PCED1B: variants seen among roughly 807,000 people sequenced by gnomAD.
PCED1B encodes PC-esterase domain-containing protein 1B.
For synonymous variants in PCED1B, 251 were observed against 246.1 expected (o/e 1.02, Z -0.19); for missense variants, 573 against 573.9 (o/e 1.00, Z 0.02).
At chr12:47,232,382 TA>T (rs1302167487) in intron 3 of PCED1B, among the ~76,000 whole-genome samples, 1 of 152,244 alleles carries the variant, frequency 6.6e-6, no homozygotes, top group African/African-American at 2.4e-5. Flanking sequence ...TGAAACTTAA[TA>T]TTCTATCTGT....
intron 3 of PCED1B, among the ~76,000 whole-genome samples, chr12:47,221,294 C>T (rs1943468855): frequency 6.7e-6 from 1 of 148,870 alleles, no homozygotes; most frequent in Admixed American, 6.7e-5. Flanking sequence ...GCTATATCTT[C>T]AAAATATATA....
chr12:47,221,530 C>A lies in PCED1B; in HGVS notation c.-58+4841C>A, dbSNP rs527925071. On this transcript the variant is annotated intron_variant, in intron 3 of 3. Coordinates refer to ENST00000546455, the MANE Select transcript of PCED1B (RefSeq NM_138371.3). ...AGGATACAGATCAACCTAAGGATTT[C>A]TTCACAATTAAAACAAAACCAGTCA... Among the ~76,000 whole-genome samples the A allele has an allele frequency of 1.4e-3, 216 of 152,142 alleles. 1 individual carries two copies. The highest frequency in any genetic ancestry group is 5.1e-3 in the African/African-American group (211 of 41,530).
intron 3 of PCED1B, among the ~76,000 whole-genome samples, chr12:47,217,578 T>G (rs1325607375): frequency 6.6e-6 from 1 of 151,892 alleles, no homozygotes; most frequent in Non-Finnish European, 1.5e-5. Context: ...TTAGGTTGTT[T>G]TTGTTTTTGT....
intron 3 of PCED1B, among the ~76,000 whole-genome samples, chr12:47,224,225 G>C (rs1943568384): frequency 6.6e-6 from 1 of 152,174 alleles, no homozygotes; most frequent in Admixed American, 6.5e-5. Flanking sequence ...TAAAACAAAA[G>C]TTTAAAAAAG....
At chr12:47,085,180 G>A (rs974343407) in intron 1 of PCED1B, among the ~76,000 whole-genome samples, 1 of 152,164 alleles carries the variant, frequency 6.6e-6, no homozygotes, top group Non-Finnish European at 1.5e-5. Flanking sequence ...ACCTCTCCAG[G>A]AACCTCAAGA....
intron 1 of PCED1B, among the ~76,000 whole-genome samples, chr12:47,101,059 G>A (rs1212612140): frequency 6.9e-6 from 1 of 145,508 alleles, no homozygotes; most frequent in East Asian, 2.1e-4. Flanking sequence ...GACAGAGTGA[G>A]GTCCATCTCA....
At chr12:47,169,118 CACAGA>C (rs1280485962) in intron 2 of PCED1B, among the ~76,000 whole-genome samples, 1 of 152,126 alleles carries the variant, frequency 6.6e-6, no homozygotes, top group Admixed American at 6.5e-5. Flanking sequence ...TTTTACATAA[CACAGA>C]AGTGGAAATG....
Position 47,130,271 on chromosome 12 carries a change from G to A in PCED1B, c.-526+26076G>A, listed in dbSNP as rs115641334. On this transcript the variant is annotated intron_variant, in intron 2 of 3. Transcript: ENST00000546455. ...CAATTTTTTGTAAAACAAAAAAAGG[G>A]TAGGGTAGATAGGAAAATTGAAATT... 1.7e-3 allele frequency among the ~76,000 whole-genome samples: 260 copies of A among 152,220 alleles called. 2 individuals carry two copies. Among genetic ancestry groups the A allele is most frequent in the African/African-American group, 6.2e-3 (256 of 41,534 alleles).
At chr12:47,108,140 G>C (rs1339279989) in intron 2 of PCED1B, among the ~76,000 whole-genome samples, 1 of 152,164 alleles carries the variant, frequency 6.6e-6, no homozygotes, top group Non-Finnish European at 1.5e-5. Context: ...CTTGCAAGAT[G>C]ATGAGGATTT....
intron 1 of PCED1B, among the ~76,000 whole-genome samples, chr12:47,080,972 G>A (rs1001683313): frequency 6.6e-5 from 10 of 152,162 alleles, no homozygotes; most frequent in African/African-American, 2.4e-4. Context: ...TGCCGCGGCC[G>A]ACCAGCGCGC....
At chr12:47,131,946 C>G (rs1940149537) in intron 2 of PCED1B, among the ~76,000 whole-genome samples, 1 of 152,192 alleles carries the variant, frequency 6.6e-6, no homozygotes, top group African/African-American at 2.4e-5. Flanking sequence ...GGATTACAGG[C>G]GTGAGCCACC....
chr12:47,236,256 G>A lies in PCED1B; in HGVS notation c.1193G>A (p.Arg398Lys). ...RYQRPAPVVH[R>K]GFGRYRPRGP... ...CAGCGGCCTGCCCCAGTGGTACATA[G>A]GGGTTTTGGCAGGTATCGTCCCCGT... Residue 398 changes from arginine (R) to lysine (K), a missense_variant, in exon 4 of 4, where the codon AGG becomes AAG. Physicochemically the swap from Arg to Lys is conservative, Grantham distance 26. Transcript: ENST00000546455. 1 of 1,614,146 alleles carries A rather than the reference G, an allele frequency of 6.2e-7. No individual in the cohort carries two copies. The highest frequency in any genetic ancestry group is 8.5e-7 in the Non-Finnish European group (1 of 1,180,030).
chr12:47,104,877 C>T (rs1207779746), intron 2 of PCED1B, among the ~76,000 whole-genome samples: 2 of 152,222 alleles, frequency 1.3e-5, no homozygotes, highest in African/African-American at 4.8e-5. Flanking sequence ...CTGCCCCTTC[C>T]TCATGTTCTC....
In PCED1B at chr12:47,150,577, C is replaced by CA. The variant is rs112820226; in HGVS notation, c.-526+46395dup. 8.8e-3 allele frequency among the ~76,000 whole-genome samples: 1,169 copies of CA among 133,426 alleles called. 5 individuals are homozygous for CA. The highest frequency in any genetic ancestry group is 0.021 in the Middle Eastern group (6 of 280). 87.5% of individuals were successfully genotyped at this position (133,426 alleles called of 152,430 possible). On this transcript the variant is annotated intron_variant, in intron 2 of 3. Transcript: ENST00000546455. Reference sequence around the variant, plus strand: ...TGGGCAACAGAGTGAGACTCCATCTCAAAAAAAAAAAAAGAAATAACTATG... The same window carrying CA: ...TGGGCAACAGAGTGAGACTCCATCTCAAAAAAAAAAAAAAGAAATAACTATG...
chr12:47,120,913 A>T (rs1939650034), intron 2 of PCED1B, among the ~76,000 whole-genome samples: 1 of 152,198 alleles, frequency 6.6e-6, no homozygotes, highest in South Asian at 2.1e-4. Context: ...ACATTATATG[A>T]TTCAATTTAT....
At chr12:47,172,340 C>CTTTTTTTTTTTTTTTTTTTTTTTGTT (rs34230051) in intron 2 of PCED1B, among the ~76,000 whole-genome samples, 32 of 78,330 alleles carry the variant, frequency 4.1e-4, no homozygotes, top group South Asian at 1.7e-3. Context: ...TCGTGGGTTG[C>CTTTTTTTTTTTTTTTTTTTTTTTGTT]TTTTTTTTTT....
intron 2 of PCED1B, among the ~76,000 whole-genome samples, chr12:47,131,684 T>TTTTTTTTTTTTTTG (rs1940135109): frequency 6.6e-6 from 1 of 150,444 alleles, no homozygotes; most frequent in East Asian, 1.9e-4. Flanking sequence ...TTTTTTTTTT[T>TTTTTTTTTTTTTTG]TTTGAGAAGG....
chr12:47,229,758 C>T (rs1311494718), intron 3 of PCED1B, among the ~76,000 whole-genome samples: 1 of 151,936 alleles, frequency 6.6e-6, no homozygotes, highest in Non-Finnish European at 1.5e-5. Flanking sequence ...AGGCAACCAA[C>T]AAGTAATCAT....
intron 2 of PCED1B, among the ~76,000 whole-genome samples, chr12:47,145,779 G>T (rs1422541694): frequency 6.6e-6 from 1 of 152,122 alleles, no homozygotes; most frequent in Non-Finnish European, 1.5e-5. Context: ...ACTGCTTATT[G>T]ACAATTCACC....
Sources: gnomAD v4.1 joint callset for allele counts (sites outside exome capture counted in the v4.1 genomes callset) on GRCh38, gnomAD v4.1.1 for gene constraint, MANE v1.5 for transcripts, NCBI Gene and HGNC (gene_info 2026-07-23, HGNC 2026-07-21) for gene names.